Variants in FAM171A1 observed in about 807,000 individuals in gnomAD.
FAM171A1 encodes the protein protein FAM171A1.
Under a neutral mutation model 74.9 loss-of-function variants are expected in FAM171A1, and 23 were observed. The observed-to-expected ratio is 0.31, with a 90% CI of 0.22 to 0.44. FAM171A1 has a LOEUF of 0.44. FAM171A1 is among the 20% of genes least tolerant of loss of function. FAM171A1 has a pLI of 1.00. For missense variants in FAM171A1, 1,162 were observed against 1,159.2 expected (o/e 1.00, Z -0.03); for synonymous variants, 527 against 505.7 (o/e 1.04, Z -0.57).
At chr10:15,312,674 T>TGTG (rs1835376445) in intron 1 of FAM171A1, among the ~76,000 whole-genome samples, 43 of 11,714 alleles carry the variant, frequency 3.7e-3, no homozygotes, top group African/African-American at 7.6e-3. Flanking sequence ...GCACTGTGTG[T>TGTG]TTTTTTTTTT....
At chr10:15,299,389 GC>G (rs1835200733) in intron 1 of FAM171A1, among the ~76,000 whole-genome samples, 2 of 152,214 alleles carry the variant, frequency 1.3e-5, no homozygotes, top group Non-Finnish European at 2.9e-5. Flanking sequence ...TGGAACGGTT[GC>G]CAAGGCAACC....
At chr10:15,343,540 C>G (rs1041415830) in intron 1 of FAM171A1, among the ~76,000 whole-genome samples, 1 of 152,206 alleles carries the variant, frequency 6.6e-6, no homozygotes, top group Admixed American at 6.5e-5. Flanking sequence ...GAGAGGACGA[C>G]ATCTGAAGGG....
chr10:15,269,595 G>C (rs12256442), intron 3 of FAM171A1, among the ~76,000 whole-genome samples: 17,091 of 152,190 alleles, frequency 0.11, 1,120 homozygotes, highest in African/African-American at 0.17. Context: ...CTGTGAGACA[G>C]GTTGAAAAAA....
intron 2 of FAM171A1, among the ~76,000 whole-genome samples, chr10:15,282,595 T>C (rs1834983715): frequency 6.6e-6 from 1 of 152,224 alleles, no homozygotes; most frequent in South Asian, 2.1e-4. Flanking sequence ...AATTGACTGA[T>C]GGGCTTTGTG....
chr10:15,226,830 G>T (rs4423095), intron 5 of FAM171A1, among the ~76,000 whole-genome samples: 87,369 of 151,500 alleles, frequency 0.58, 25,999 homozygotes, highest in African/African-American at 0.75. Context: ...TCCTTATAAC[G>T]TGTTATCAGT....
chr10:15,276,921 A>G (rs1210326864), intron 2 of FAM171A1, among the ~76,000 whole-genome samples: 1 of 152,072 alleles, frequency 6.6e-6, no homozygotes, highest in East Asian at 1.9e-4. Flanking sequence ...CCTGGGCTCA[A>G]GCAATCCTTC....
At chr10:15,306,053 A>G (rs1835290644) in intron 1 of FAM171A1, among the ~76,000 whole-genome samples, 2 of 152,222 alleles carry the variant, frequency 1.3e-5, no homozygotes, top group South Asian at 4.1e-4. Context: ...TCGCACAAAT[A>G]GAGCATGATC....
intron 6 of FAM171A1, among the ~76,000 whole-genome samples, chr10:15,218,786 G>A (rs1309434347): frequency 6.6e-6 from 1 of 151,970 alleles, no homozygotes; most frequent in Non-Finnish European, 1.5e-5. Flanking sequence ...TTTAGAAGTG[G>A]GGTCTTGCTG....
rs193293035 is a variant in FAM171A1 at position 15,347,908 on chromosome 10, T to C, written c.97+23048A>G. Among the ~76,000 whole-genome samples the C allele has an allele frequency of 8.6e-5, 13 of 151,732 alleles. No homozygotes were observed. In the East Asian group the frequency reaches 2.5e-3, roughly 29 times the overall value. Reference sequence around the variant, plus strand: ...AATTCCTTCCACATGATTTGCGTTCTACCCCAATGCTTGACATACTAAATC... The same window carrying C: ...AATTCCTTCCACATGATTTGCGTTCCACCCCAATGCTTGACATACTAAATC... On this transcript the variant is annotated intron_variant, in intron 1 of 7. Transcript: ENST00000378116.
intron 1 of FAM171A1, among the ~76,000 whole-genome samples, chr10:15,337,936 G>A (rs1212809313): frequency 6.6e-6 from 1 of 152,056 alleles, no homozygotes; most frequent in African/African-American, 2.4e-5. Flanking sequence ...GGGTGACAGA[G>A]CGAGACTCCA....
At position 15,330,489 on chromosome 10, in the gene FAM171A1, G is replaced by C. The variant is rs140177674; in HGVS notation, c.97+40467C>G. Among the ~76,000 whole-genome samples the C allele has an allele frequency of 9.7e-4, 147 of 152,248 alleles. 1 individual carries two copies. Among genetic ancestry groups the C allele is most frequent in the African/African-American group, 3.0e-3 (124 of 41,546 alleles). On this transcript the variant is annotated intron_variant, in intron 1 of 7. Transcript: ENST00000378116. ...AGGGCAGAGAGATGACAGATACTCA[G>C]ATTTCATAGATTAGCACAGAACTTC...
At chr10:15,333,709 G>A (rs2131862424) in intron 1 of FAM171A1, among the ~76,000 whole-genome samples, 2 of 152,066 alleles carry the variant, frequency 1.3e-5, no homozygotes, top group East Asian at 3.9e-4. Context: ...GCATAGGCCT[G>A]TCATCAGTCC....
chr10:15,231,830 A>G (rs1467952853), intron 5 of FAM171A1, among the ~76,000 whole-genome samples: 3 of 152,142 alleles, frequency 2.0e-5, no homozygotes, highest in Non-Finnish European at 4.4e-5. Context: ...CATGCCAGCA[A>G]TCTCAGCACT....
chr10:15,267,403 G>A (rs1020654220), intron 3 of FAM171A1, among the ~76,000 whole-genome samples: 15 of 152,086 alleles, frequency 9.9e-5, no homozygotes, highest in Admixed American at 7.2e-4. Flanking sequence ...AGTAGATTGA[G>A]GCCATCCTGG....
At chr10:15,355,721 T>A (rs183653615) in intron 1 of FAM171A1, among the ~76,000 whole-genome samples, 24 of 151,790 alleles carry the variant, frequency 1.6e-4, no homozygotes, top group African/African-American at 5.1e-4. Flanking sequence ...TCTCAAAAAA[T>A]AATAATAATA....
intron 6 of FAM171A1, among the ~76,000 whole-genome samples, chr10:15,218,521 T>C (rs1833995874): frequency 6.6e-6 from 1 of 152,220 alleles, no homozygotes; most frequent in Non-Finnish European, 1.5e-5. Flanking sequence ...TATAATTTTT[T>C]GTAATAAAGG....
intron 5 of FAM171A1, among the ~76,000 whole-genome samples, chr10:15,238,362 TCC>T (rs906319664): frequency 1.3e-5 from 2 of 152,180 alleles, no homozygotes; most frequent in African/African-American, 4.8e-5. Context: ...TTGATCAATA[TCC>T]CCTACCAGAG....
chr10:15,246,463 C>A (rs78612478), intron 5 of FAM171A1, among the ~76,000 whole-genome samples: 12 of 152,232 alleles, frequency 7.9e-5, no homozygotes, highest in African/African-American at 2.4e-4. Flanking sequence ...TATCAAAAAT[C>A]TCCCAATTAT....
In FAM171A1 at chr10:15,263,077, G is replaced by A. The variant is rs531649018; in HGVS notation, c.419-8198C>T. Among the ~76,000 whole-genome samples the A allele has an allele frequency of 1.4e-4, 21 of 152,328 alleles. 1 individual carries two copies. Among genetic ancestry groups the A allele is most frequent in the South Asian group, 1.0e-3 (5 of 4,828 alleles). On this transcript the variant is annotated intron_variant, in intron 3 of 7. Coordinates refer to ENST00000378116, the MANE Select transcript of FAM171A1 (RefSeq NM_001010924.2). ...AGGAAAAGGACCATCTGGGAAACAT[G>A]AGGAGCCAAGCAGAGGATGGAGACC...
Sources: allele counts gnomAD v4.1 joint callset (sites outside exome capture counted in the v4.1 genomes callset), GRCh38; gene constraint gnomAD v4.1.1; transcripts MANE v1.5; gene names NCBI Gene and HGNC (gene_info 2026-07-23, HGNC 2026-07-21).